The following CRIM1 variants were observed in gnomAD, a reference collection of about 807,000 sequenced individuals.
CRIM1 encodes cysteine-rich motor neuron 1 protein.
CRIM1 carries 32 observed loss-of-function variants against 116.4 expected under a neutral mutation model. The observed-to-expected ratio is 0.27, with a 90% CI of 0.21 to 0.37. The LOEUF is 0.37. Ranked by LOEUF, CRIM1 falls within the 10% of genes least tolerant of loss-of-function variation. The pLI is 1.00. For synonymous variants in CRIM1, 590 were observed against 509.2 expected, an observed-to-expected ratio of 1.16 and a Z score of -2.13; for missense variants, 1,331 against 1,354.8, an observed-to-expected ratio of 0.98 and a Z score of 0.28.
At chr2:36,489,810 A>G (rs1334241327) in intron 7 of CRIM1, among the ~76,000 whole-genome samples, 1 of 152,202 alleles carries the variant, frequency 6.6e-6, no homozygotes, top group Admixed American at 6.5e-5. Flanking sequence ...ATGAGAGAGG[A>G]AGAACAGGGG....
intron 8 of CRIM1, among the ~76,000 whole-genome samples, chr2:36,509,255 CACCTGTA>C (rs777507260): frequency 1.9e-4 from 29 of 152,192 alleles, no homozygotes; most frequent in Admixed American, 1.9e-3. Flanking sequence ...CAGTGACTCA[CACCTGTA>C]ACCCCAGCAC....
intron 2 of CRIM1, among the ~76,000 whole-genome samples, chr2:36,415,355 A>C (rs138406063): frequency 3.6e-4 from 55 of 152,328 alleles, no homozygotes; most frequent in African/African-American, 1.3e-3. Context: ...AGAGTGTTTC[A>C]CTACCTGGAA....
chr2:36,459,276 C>T lies in CRIM1; in HGVS notation c.870-5258C>T, dbSNP rs980550982. ...GAAAAACAATGTTTGAGTGGGTACCCTGGCATCTGCATTTTAAACACATTC... is the reference window on the plus strand; with the variant it reads ...GAAAAACAATGTTTGAGTGGGTACCTTGGCATCTGCATTTTAAACACATTC... On this transcript the variant is annotated intron_variant, in intron 4 of 16. Coordinates refer to ENST00000280527, the MANE Select transcript of CRIM1 (RefSeq NM_016441.3). Among the ~76,000 whole-genome samples, 5 of 152,214 alleles carry T rather than the reference C, an allele frequency of 3.3e-5. 1 individual carries two copies. The highest frequency in any genetic ancestry group is 3.3e-4 in the Admixed American group (5 of 15,300).
At chr2:36,391,528 A>C (rs1418648405) in intron 1 of CRIM1, among the ~76,000 whole-genome samples, 1 of 152,152 alleles carries the variant, frequency 6.6e-6, no homozygotes, top group Non-Finnish European at 1.5e-5. Context: ...TTTACCAGTT[A>C]CATATTGGCT....
intron 13 of CRIM1, among the ~76,000 whole-genome samples, chr2:36,527,147 TATATA>T (rs1665810968): frequency 6.6e-6 from 1 of 151,046 alleles, no homozygotes; most frequent in Non-Finnish European, 1.5e-5. Context: ...GTGTTTATTA[TATATA>T]ATATAAATAT....
At chr2:36,365,987 A>G (rs1669573933) in intron 1 of CRIM1, among the ~76,000 whole-genome samples, 1 of 152,206 alleles carries the variant, frequency 6.6e-6, no homozygotes, top group African/African-American at 2.4e-5. Context: ...TGGCCTCCCA[A>G]AGTGCTGGGA....
At chr2:36,402,434 G>C (rs1182201743) in intron 2 of CRIM1, among the ~76,000 whole-genome samples, 1 of 137,046 alleles carries the variant, frequency 7.3e-6, no homozygotes, top group Non-Finnish European at 1.6e-5. Context: ...GAAACAGCGT[G>C]ACCAGAATGG....
intron 2 of CRIM1, among the ~76,000 whole-genome samples, chr2:36,409,858 T>C (rs1398425118): frequency 6.6e-6 from 1 of 152,236 alleles, no homozygotes; most frequent in Non-Finnish European, 1.5e-5. Context: ...ATTTGACTCA[T>C]TCCCTAGTTC....
At chr2:36,540,349 C>T (rs1022337355) in intron 14 of CRIM1, among the ~76,000 whole-genome samples, 7 of 152,278 alleles carry the variant, frequency 4.6e-5, no homozygotes, top group East Asian at 1.9e-4. Flanking sequence ...AACTCTCATG[C>T]AGACCATAAG....
intron 7 of CRIM1, among the ~76,000 whole-genome samples, chr2:36,495,517 G>A (rs906674145): frequency 7.4e-6 from 1 of 135,026 alleles, no homozygotes; most frequent in South Asian, 2.4e-4. Flanking sequence ...CAGTCATACT[G>A]AGATACTATG....
chr2:36,497,507 A>C (rs1267153088), intron 7 of CRIM1, among the ~76,000 whole-genome samples: 2 of 152,184 alleles, frequency 1.3e-5, no homozygotes, highest in Non-Finnish European at 2.9e-5. Flanking sequence ...TTTTAAGAGA[A>C]TGGAGGGGAG....
chr2:36,538,283 CT>C (rs1275463690), intron 14 of CRIM1, among the ~76,000 whole-genome samples: 1 of 152,122 alleles, frequency 6.6e-6, no homozygotes, highest in East Asian at 1.9e-4. Flanking sequence ...CCTCTTTCCC[CT>C]GCGTCTAATC....
chr2:36,447,404 G>T (rs908197542), intron 4 of CRIM1, among the ~76,000 whole-genome samples: 1 of 152,102 alleles, frequency 6.6e-6, no homozygotes, highest in African/African-American at 2.4e-5. Flanking sequence ...TCACTGCTGT[G>T]TAACAACCGC....
intron 4 of CRIM1, among the ~76,000 whole-genome samples, chr2:36,448,086 G>C (rs1676390012): frequency 6.6e-6 from 1 of 152,210 alleles, no homozygotes; most frequent in Admixed American, 6.5e-5. Flanking sequence ...TCCGCTTCTT[G>C]AAGAGTGCTG....
chr2:36,527,984 G>C (rs1404568132), intron 13 of CRIM1, among the ~76,000 whole-genome samples: 1 of 151,916 alleles, frequency 6.6e-6, no homozygotes. Context: ...TGTAACCCTA[G>C]TTCAGTTTCC....
At chr2:36,470,454 G>C (rs527333367) in intron 5 of CRIM1, among the ~76,000 whole-genome samples, 30 of 152,280 alleles carry the variant, frequency 2.0e-4, no homozygotes, top group African/African-American at 7.0e-4. Flanking sequence ...AGAATAGGCT[G>C]ATTCTTATTA....
chr2:36,545,332 A>G (rs1311682926), intron 15 of CRIM1, among the ~76,000 whole-genome samples: 2 of 152,148 alleles, frequency 1.3e-5, no homozygotes, highest in Non-Finnish European at 2.9e-5. Context: ...TCTCTGTATA[A>G]TTGTTCTGAG....
chr2:36,473,732 T>C (rs1678730544), intron 5 of CRIM1, among the ~76,000 whole-genome samples: 1 of 152,196 alleles, frequency 6.6e-6, no homozygotes, highest in South Asian at 2.1e-4. Flanking sequence ...CACGTAATAT[T>C]TTATTGTATA....
intron 2 of CRIM1, among the ~76,000 whole-genome samples, chr2:36,419,588 A>T (rs544173803): frequency 2.0e-5 from 3 of 152,314 alleles, no homozygotes; most frequent in East Asian, 1.9e-4. Context: ...CACATTGAAG[A>T]GACTGAATGC....
Sources: gnomAD v4.1 joint callset for allele counts (sites outside exome capture counted in the v4.1 genomes callset) on GRCh38, gnomAD v4.1.1 for gene constraint, MANE v1.5 for transcripts, NCBI Gene and HGNC (gene_info 2026-07-23, HGNC 2026-07-21) for gene names.